Variants in MAGI3 observed in about 807,000 individuals in gnomAD.
MAGI3 encodes the protein membrane associated guanylate kinase, WW and PDZ domain containing 3.
Under a neutral mutation model 121.8 loss-of-function variants are expected in MAGI3, and 43 were observed. The observed-to-expected ratio is 0.35, with a 90% CI of 0.28 to 0.46. The LOEUF (loss-of-function observed/expected upper bound fraction) is 0.46, where lower values mean the gene tolerates loss of function less well. Among genes scored for constraint, MAGI3 ranks in the 20% least tolerant of loss-of-function variants. The pLI is 1.00. For missense variants in MAGI3, 1,547 were observed against 1,797.3 expected (o/e 0.86, Z 2.52); for synonymous variants, 553 against 639.3 (o/e 0.86, Z 2.04).
At chr1:113,431,543 A>G (rs1483458786) in intron 1 of MAGI3, among the ~76,000 whole-genome samples, 2 of 152,170 alleles carry the variant, frequency 1.3e-5, no homozygotes, top group South Asian at 2.1e-4. Context: ...TAGATGTTGG[A>G]TATAAGGTAA....
intron 15 of MAGI3, among the ~76,000 whole-genome samples, 165 bp downstream of exon 15, chr1:113,654,183 C>T (rs549845020): frequency 3.3e-5 from 5 of 152,064 alleles, no homozygotes; most frequent in East Asian, 1.9e-4. Flanking sequence ...TAATTTGAAC[C>T]GAACCTTCCA....
chr1:113,654,044 T>G (rs778738894), intron 15 of MAGI3, 26 bp downstream of exon 15: 1 of 1,561,964 alleles, frequency 6.4e-7, no homozygotes, highest in African/African-American at 1.4e-5. Context: ...TCTTATTGTC[T>G]CTCCCTGCAA....
intron 7 of MAGI3, among the ~76,000 whole-genome samples, chr1:113,616,124 C>T (rs1315435738): frequency 6.6e-6 from 1 of 152,054 alleles, no homozygotes; most frequent in Non-Finnish European, 1.5e-5. Flanking sequence ...TGATCTGGTC[C>T]CCATTATGCA....
intron 1 of MAGI3, among the ~76,000 whole-genome samples, chr1:113,548,436 C>T (rs11588901): frequency 0.12 from 18,814 of 152,222 alleles, 1,541 homozygotes; most frequent in Non-Finnish European, 0.18. Context: ...AAATTTTTGA[C>T]TTTCTTAATT....
Position 113,526,466 on chromosome 1 carries a change from TGAGA to T in MAGI3, c.317-23040_317-23037del, listed in dbSNP as rs142523782. ...AACATCACATCCCAAGCTCTACGTATGAGAGAGAGAGAACCTAATATTTGAGGAA... is the reference window on the plus strand; with the variant it reads ...AACATCACATCCCAAGCTCTACGTATGAGAGAGAACCTAATATTTGAGGAA... On this transcript the variant is annotated intron_variant, in intron 1 of 20. Transcript: ENST00000307546. 2.0e-3 allele frequency among the ~76,000 whole-genome samples: 311 copies of T among 151,890 alleles called. 1 individual carries two copies. Among genetic ancestry groups the T allele is most frequent in the African/African-American group, 7.2e-3 (299 of 41,400 alleles).
chr1:113,494,848 G>T (rs1203551870), intron 1 of MAGI3, among the ~76,000 whole-genome samples: 1 of 151,986 alleles, frequency 6.6e-6, no homozygotes, highest in Non-Finnish European at 1.5e-5. Flanking sequence ...AGATTAATGA[G>T]CTTTGTTAAT....
intron 1 of MAGI3, among the ~76,000 whole-genome samples, chr1:113,437,886 CCTT>C (rs1653695563): frequency 2.7e-4 from 3 of 11,152 alleles, no homozygotes; most frequent in Non-Finnish European, 4.5e-4. Context: ...TTCTCCTTCT[CCTT>C]CTCCTTCTCC....
chr1:113,557,591 C>T (rs1422867434), intron 2 of MAGI3, among the ~76,000 whole-genome samples: 1 of 152,186 alleles, frequency 6.6e-6, no homozygotes, highest in Admixed American at 6.5e-5. Context: ...GACAGAGTGC[C>T]TGAGGGGTGG....
chr1:113,432,279 A>T (rs899304377), intron 1 of MAGI3, among the ~76,000 whole-genome samples: 5 of 152,138 alleles, frequency 3.3e-5, no homozygotes, highest in Non-Finnish European at 7.4e-5. Flanking sequence ...CTTTATATAC[A>T]TTTACTCTTT....
intron 1 of MAGI3, among the ~76,000 whole-genome samples, chr1:113,535,541 A>G (rs534179209): frequency 1.1e-4 from 17 of 152,298 alleles, no homozygotes; most frequent in African/African-American, 4.1e-4. Context: ...TGATGTACTC[A>G]TCAGTTCCCT....
intron 8 of MAGI3, 47 bp from the exon 9 acceptor site, chr1:113,622,759 C>A: frequency 7.0e-7 from 1 of 1,430,302 alleles, no homozygotes; most frequent in Non-Finnish European, 9.4e-7. Flanking sequence ...GTGCTATATT[C>A]ATTGTAATTA....
chr1:113,503,532 T>C (rs1232215868), intron 1 of MAGI3, among the ~76,000 whole-genome samples: 1 of 152,046 alleles, frequency 6.6e-6, no homozygotes, highest in Non-Finnish European at 1.5e-5. Flanking sequence ...TCTCTGTATA[T>C]ATTTATATAG....
chr1:113,680,510 C>A (rs997639171), intron 19 of MAGI3, among the ~76,000 whole-genome samples: 2 of 152,184 alleles, frequency 1.3e-5, no homozygotes, highest in Admixed American at 6.5e-5. Flanking sequence ...GTAATCCCAG[C>A]ACTTTAGGAG....
Position 113,683,607 on chromosome 1 carries a change from G to C in MAGI3, c.4039G>C (p.Glu1347Gln), listed in dbSNP as rs773163756. The C allele has an allele frequency of 6.2e-7, 1 of 1,613,360 alleles. No individual in the cohort carries two copies. The highest frequency in any genetic ancestry group is 1.3e-5 in the African/African-American group (1 of 74,820). ...IRKDAKQNQLEKSRTRSPEKK... is the reference protein window; with the variant it reads ...IRKDAKQNQLQKSRTRSPEKK... ...GAAAGATGCAAAGCAGAATCAGTTG[G>C]AAAAAAGCAGAACAAGGTCTCCAGA... The change falls in exon 21 of 21, where the codon GAA becomes CAA. Residue 1347 changes from glutamate to glutamine, a missense_variant. Coordinates refer to ENST00000307546, the MANE Select transcript of MAGI3 (RefSeq NM_001142782.2).
chr1:113,485,139 T>G (rs372597696), intron 1 of MAGI3, among the ~76,000 whole-genome samples: 162 of 152,306 alleles, frequency 1.1e-3, no homozygotes, highest in East Asian at 3.1e-3. Context: ...TGCAAGTATC[T>G]TTTTCTTATA....
chr1:113,479,789 G>T (rs1481116361), intron 1 of MAGI3, among the ~76,000 whole-genome samples: 1 of 151,506 alleles, frequency 6.6e-6, no homozygotes, highest in African/African-American at 2.4e-5. Context: ...AACTCCCTTT[G>T]CTTTTTGTTC....
chr1:113,406,552 A>G (rs540373728), intron 1 of MAGI3, among the ~76,000 whole-genome samples: 19 of 152,124 alleles, frequency 1.2e-4, no homozygotes, highest in Middle Eastern at 3.4e-3. Context: ...TTGAAAAGCA[A>G]ATAATCTCTT....
chr1:113,558,005 CAAAT>C (rs1463258345), intron 2 of MAGI3, among the ~76,000 whole-genome samples: 6 of 152,154 alleles, frequency 3.9e-5, no homozygotes, highest in Non-Finnish European at 8.8e-5. Flanking sequence ...GAAAAACAAA[CAAAT>C]AAACAGAAAA....
At chr1:113,536,144 GTTT>G (rs34587648) in intron 1 of MAGI3, among the ~76,000 whole-genome samples, 3,146 of 145,524 alleles carry the variant, frequency 0.022, 35 homozygotes, top group Middle Eastern at 0.025. Context: ...GAAGACATGT[GTTT>G]TTTTTTTTTT....
Sources: allele counts gnomAD v4.1 joint callset (sites outside exome capture counted in the v4.1 genomes callset), GRCh38; gene constraint gnomAD v4.1.1; transcripts MANE v1.5; gene names NCBI Gene and HGNC (gene_info 2026-07-23, HGNC 2026-07-21).